The following TNKS variants were observed in gnomAD, a reference collection of about 807,000 sequenced individuals.
The protein encoded by TNKS is poly [ADP-ribose] polymerase tankyrase-1.
In TNKS, 72 loss-of-function variants were observed where a neutral mutation model predicts 135.8. The observed-to-expected ratio is 0.53, with a 90% CI of 0.44 to 0.64. The LOEUF is 0.64. Among genes scored for constraint, TNKS ranks in the 30% least tolerant of loss-of-function variants. TNKS has a pLI of 0.00. For missense variants in TNKS, 1,769 were observed against 1,674.0 expected, an observed-to-expected ratio of 1.06 and a Z score of -0.99; for synonymous variants, 849 against 649.3, an observed-to-expected ratio of 1.31 and a Z score of -4.68.
chr8:9,697,046 A>C (rs1191836035), intron 5 of TNKS, among the ~76,000 whole-genome samples: 1 of 152,166 alleles, frequency 6.6e-6, no homozygotes, highest in Non-Finnish European at 1.5e-5. Flanking sequence ...CCAAATTCAA[A>C]CTATACTGTC....
chr8:9,764,116 G>A (rs1424577525), intron 22 of TNKS, among the ~76,000 whole-genome samples: 1 of 152,094 alleles, frequency 6.6e-6, no homozygotes, highest in Non-Finnish European at 1.5e-5. Context: ...CAGTAAGGAA[G>A]AGAATTCATT....
intron 4 of TNKS, 38 bp downstream of exon 4, chr8:9,680,025 T>A (rs758216915): frequency 6.5e-7 from 1 of 1,530,344 alleles, no homozygotes; most frequent in Admixed American, 1.7e-5. Flanking sequence ...ATATAATGCA[T>A]TAAGGAAGAG....
intron 17 of TNKS, among the ~76,000 whole-genome samples, chr8:9,743,247 T>C (rs1383143863): frequency 6.6e-6 from 1 of 152,220 alleles, no homozygotes; most frequent in Non-Finnish European, 1.5e-5. Context: ...TCTACTTAAA[T>C]CATTTCTTCT....
In TNKS at chr8:9,657,215, C is replaced by T. The variant is rs1329259299; in HGVS notation, c.995-22736C>T. On this transcript the variant is annotated intron_variant, in intron 3 of 26. Transcript: ENST00000310430. ...GGGGCGGCCGGGCAGAGGTGCCCCT[C>T]ACCTCCCGGACGGGGCGGCTGGCCG... Among the ~76,000 whole-genome samples the T allele has an allele frequency of 1.5e-5, 2 of 137,246 alleles. 1 individual carries two copies. Among genetic ancestry groups the T allele is most frequent in the African/African-American group, 5.4e-5 (2 of 36,858 alleles). The allele number at this position is 137,246 out of a possible 152,430, so 90.0% of individuals were successfully genotyped here. A position where few individuals can be genotyped will look rare whatever the true frequency, so the allele number is the denominator to read the frequency against.
chr8:9,617,879 A>G (rs1237110890), intron 3 of TNKS, among the ~76,000 whole-genome samples: 1 of 151,818 alleles, frequency 6.6e-6, no homozygotes, highest in East Asian at 1.9e-4. Flanking sequence ...TCTTTCCAGT[A>G]TCTCATCGTT....
chr8:9,710,435 T>G, intron 11 of TNKS: 1 of 589,764 alleles, frequency 1.7e-6, no homozygotes, highest in East Asian at 2.8e-5. Flanking sequence ...ATGTCACCCT[T>G]CTGTAAAGCA....
At chr8:9,562,900 G>T (rs1156571227) in intron 1 of TNKS, among the ~76,000 whole-genome samples, 1 of 150,406 alleles carries the variant, frequency 6.6e-6, no homozygotes, top group Non-Finnish European at 1.5e-5. Context: ...ATGTCTTGGT[G>T]TTCGTTTCTC....
intron 3 of TNKS, among the ~76,000 whole-genome samples, chr8:9,628,890 T>C (rs1331212456): frequency 1.3e-5 from 2 of 152,202 alleles, no homozygotes; most frequent in Non-Finnish European, 2.9e-5. Flanking sequence ...ACCCCATTCT[T>C]TCCCTCTCGG....
At chr8:9,675,186 G>A (rs1802483287) in intron 3 of TNKS, among the ~76,000 whole-genome samples, 3 of 152,032 alleles carry the variant, frequency 2.0e-5, no homozygotes, top group African/African-American at 4.8e-5. Context: ...CCACATAGCT[G>A]GTTTTTAATT....
intron 5 of TNKS, among the ~76,000 whole-genome samples, chr8:9,694,519 T>A (rs1384485993): frequency 6.6e-6 from 1 of 152,120 alleles, no homozygotes; most frequent in African/African-American, 2.4e-5. Flanking sequence ...CCCAGCACTT[T>A]GGGAGGCCAA....
At chr8:9,712,242 G>C (rs971065797) in intron 11 of TNKS, among the ~76,000 whole-genome samples, 2 of 152,212 alleles carry the variant, frequency 1.3e-5, no homozygotes, top group East Asian at 3.8e-4. Flanking sequence ...AGCTTTAGGA[G>C]GCAAAGGCAG....
At chr8:9,569,593 G>C (rs1408701233) in intron 1 of TNKS, among the ~76,000 whole-genome samples, 1 of 152,124 alleles carries the variant, frequency 6.6e-6, no homozygotes, top group Non-Finnish European at 1.5e-5. Flanking sequence ...TGAGTATTTG[G>C]GTGGTTTTTA....
chr8:9,576,036 T>C (rs1430164766), intron 1 of TNKS, among the ~76,000 whole-genome samples: 1 of 152,138 alleles, frequency 6.6e-6, no homozygotes, highest in African/African-American at 2.4e-5. Context: ...GTAGAAGGTG[T>C]AGAAGAGAGA....
intron 9 of TNKS, among the ~76,000 whole-genome samples, chr8:9,708,872 T>A (rs1804183273): frequency 6.6e-6 from 1 of 152,158 alleles, no homozygotes; most frequent in Non-Finnish European, 1.5e-5. Context: ...TTTTTAGATA[T>A]TTGCATTATC....
chr8:9,599,144 A>G (rs13265248), intron 2 of TNKS, among the ~76,000 whole-genome samples: 1 of 152,050 alleles, frequency 6.6e-6, no homozygotes, highest in East Asian at 1.9e-4. Flanking sequence ...AAAGTAATCT[A>G]CCCCTAAATA....
At position 9,556,451 on chromosome 8, in the gene TNKS, G is replaced by A; in HGVS notation, c.512G>A (p.Gly171Glu). The change falls in exon 1 of 27, where the codon GGA (glycine) becomes GAA (glutamate). Residue 171 changes from glycine to glutamate, a missense_variant. This residue lies in a region of TNKS where 450 missense variants were observed against 304.9 expected (regional missense o/e 1.48). Transcript: ENST00000310430. Reference sequence around the variant, plus strand: ...GCACCACTGGGGCCTGGGGCAGCAGGACCTGGGACAGGGGTCCCAGCAGTG... The same window carrying A: ...GCACCACTGGGGCCTGGGGCAGCAGAACCTGGGACAGGGGTCCCAGCAGTG... ...STAPLGPGAA[G>E]PGTGVPAVSG... 5 of 1,614,146 alleles carry A rather than the reference G, an allele frequency of 3.1e-6. No individual in the cohort carries two copies. The highest frequency in any genetic ancestry group is 3.4e-6 in the Non-Finnish European group (4 of 1,180,034).
At position 9,766,392 on chromosome 8, in the gene TNKS, C is replaced by T. The variant is rs771509040; in HGVS notation, c.3707C>T (p.Thr1236Ile). 4.3e-5 allele frequency: 70 copies of T among 1,612,294 alleles called. No individual in the cohort carries two copies. The highest frequency in any genetic ancestry group is 5.9e-5 in the Non-Finnish European group (70 of 1,179,032). ...YGIGGGTGCP[T>I]HKDRSCYICH... The stretch of plus-strand genomic sequence containing the variant: ...ATTGGAGGAGGAACAGGCTGCCCTA[C>T]ACACAAGGACAGGTCATGCTATATA... The change falls in exon 25 of 27, where the codon ACA becomes ATA. Residue 1236 changes from threonine to isoleucine, a missense_variant. Thr to Ile is a moderately conservative substitution (Grantham distance 89). This residue lies in a region of TNKS where 722 missense variants were observed against 688.9 expected (regional missense o/e 1.05). Coordinates refer to ENST00000310430, the MANE Select transcript of TNKS (RefSeq NM_003747.3).
At chr8:9,581,245 A>G (rs1012475558) in intron 2 of TNKS, among the ~76,000 whole-genome samples, 7 of 152,210 alleles carry the variant, frequency 4.6e-5, no homozygotes, top group Non-Finnish European at 1.0e-4. Context: ...ATAGCCATCT[A>G]TTGCAGCTTC....
intron 1 of TNKS, among the ~76,000 whole-genome samples, chr8:9,570,867 G>C (rs984788308): frequency 2.6e-5 from 4 of 152,178 alleles, no homozygotes; most frequent in African/African-American, 9.7e-5. Flanking sequence ...TACTAGAGAG[G>C]CTGAGGTGGG....
Sources: gnomAD v4.1 joint callset for allele counts (sites outside exome capture counted in the v4.1 genomes callset) on GRCh38, gnomAD v4.1.1 for gene constraint, gnomAD v4.1.1 regional missense constraint, MANE v1.5 for transcripts, NCBI Gene and HGNC (gene_info 2026-07-23, HGNC 2026-07-21) for gene names.